The following LEMD3 variants were observed in gnomAD, a reference collection of about 807,000 sequenced individuals.
The protein encoded by LEMD3 is inner nuclear membrane protein Man1.
A neutral mutation model predicts 95.2 loss-of-function variants in LEMD3; 33 were observed. That is an observed-to-expected ratio of 0.35 (90% CI 0.26 to 0.46). The LOEUF (loss-of-function observed/expected upper bound fraction) is 0.46. LEMD3 is among the 20% of genes least tolerant of loss of function. The pLI, the probability that LEMD3 is intolerant of heterozygous loss-of-function variation, is 1.00. For missense variants in LEMD3, 1,210 were observed against 1,192.8 expected, an observed-to-expected ratio of 1.01 and a Z score of -0.21; for synonymous variants, 525 against 474.6, an observed-to-expected ratio of 1.11 and a Z score of -1.38.
rs1175544432 is a variant in LEMD3, at chr12:65,169,992, C to T, written c.396C>T (p.Gly132=). 1.5e-5 allele frequency: 22 copies of T among 1,477,736 alleles called. No homozygotes were observed. The highest frequency in any genetic ancestry group is 3.0e-5 in the African/African-American group (2 of 67,668). The allele number at this position is 1,477,736 out of a possible 1,614,324, so 91.5% of individuals were successfully genotyped here. Residue 132 remains glycine (G), a synonymous_variant, in exon 1 of 13, where the codon GGC becomes GGT. Transcript: ENST00000308330. The part of the protein sequence containing the change: ...PGGASAAPAA[G]SKVLLGFSSD... ...GCGCCTCCGCCGCCCCCGCGGCTGG[C>T]AGCAAAGTGCTGCTGGGCTTCAGCT...
At position 65,171,147 on chromosome 12, in the gene LEMD3, A is replaced by G. The variant is rs978248116; in HGVS notation, c.1522+29A>G. On this transcript the variant is annotated intron_variant, in intron 1 of 12. Coordinates refer to ENST00000308330, the MANE Select transcript of LEMD3 (RefSeq NM_014319.5). ...AGTATTAAATCCTGTGGGTAAGGTA[A>G]CAAAGAGAATGTTGTTAGTGGTCCG... The G allele has an allele frequency of 3.1e-6, 5 of 1,604,480 alleles. No individual in the cohort carries two copies. The Admixed American group carries it at 5.0e-5, about 16-fold the overall frequency.
intron 1 of LEMD3, among the ~76,000 whole-genome samples, chr12:65,181,975 A>G (rs1267805582): frequency 6.6e-6 from 1 of 151,848 alleles, no homozygotes; most frequent in Non-Finnish European, 1.5e-5. Context: ...GCAAACATTT[A>G]TTGAGAATTT....
At chr12:65,187,925 A>G (rs1869117322) in intron 1 of LEMD3, among the ~76,000 whole-genome samples, 1 of 152,134 alleles carries the variant, frequency 6.6e-6, no homozygotes, top group Non-Finnish European at 1.5e-5. Flanking sequence ...ACAAATAGAG[A>G]TGGTATGTAG....
intron 1 of LEMD3, among the ~76,000 whole-genome samples, chr12:65,183,764 G>T (rs903206057): frequency 2.0e-5 from 3 of 152,146 alleles, no homozygotes; most frequent in African/African-American, 7.2e-5. Context: ...AGTGACTTGT[G>T]ATTTAATTTT....
intron 7 of LEMD3, 27 bp downstream of exon 7, chr12:65,240,057 A>G (rs1592462997): frequency 6.4e-7 from 1 of 1,556,360 alleles, no homozygotes; most frequent in Non-Finnish European, 8.9e-7. Flanking sequence ...AATCTCAACT[A>G]TTTCTAGAAG....
chr12:65,198,781 ATTG>A (rs1486261513), intron 1 of LEMD3, among the ~76,000 whole-genome samples: 1 of 152,112 alleles, frequency 6.6e-6, no homozygotes. Flanking sequence ...GTTATACTGT[ATTG>A]TTTTTAAAAT....
chr12:65,220,430 T>C (rs1011320272), intron 4 of LEMD3, among the ~76,000 whole-genome samples: 3 of 152,242 alleles, frequency 2.0e-5, no homozygotes, highest in Admixed American at 2.0e-4. Context: ...TATTTTGTTA[T>C]TGAATTGTGG....
In LEMD3 at chr12:65,210,497, C is replaced by A. The variant is rs566624736; in HGVS notation, c.1523-429C>A. Among the ~76,000 whole-genome samples the A allele has an allele frequency of 2.0e-5, 3 of 152,218 alleles. No individual in the cohort carries two copies. The South Asian group carries it at 6.2e-4, about 32-fold the overall frequency. On this transcript the variant is annotated intron_variant, in intron 1 of 12. Transcript: ENST00000308330. ...TATTGAGTACATATTAAGTGCTTGA[C>A]ACTGTGTCAAACATTTTATCTTGTT... is the stretch of plus-strand genomic sequence containing the variant.
intron 4 of LEMD3, among the ~76,000 whole-genome samples, chr12:65,232,123 T>C (rs1454943123): frequency 6.6e-6 from 1 of 152,158 alleles, no homozygotes; most frequent in African/African-American, 2.4e-5. Flanking sequence ...GTTGCTATAT[T>C]AATTCCCAAT....
At chr12:65,228,724 G>T (rs1870534222) in intron 4 of LEMD3, among the ~76,000 whole-genome samples, 1 of 152,048 alleles carries the variant, frequency 6.6e-6, no homozygotes, top group Non-Finnish European at 1.5e-5. Context: ...TGACATAATT[G>T]TACATATTTA....
intron 1 of LEMD3, among the ~76,000 whole-genome samples, chr12:65,197,159 A>C (rs1236481475): frequency 1.3e-5 from 2 of 152,122 alleles, no homozygotes; most frequent in Admixed American, 6.6e-5. Flanking sequence ...TGATTTGCTT[A>C]ACGTAGGAGC....
At chr12:65,205,035 A>G (rs1291945734) in intron 1 of LEMD3, among the ~76,000 whole-genome samples, 1 of 152,196 alleles carries the variant, frequency 6.6e-6, no homozygotes, top group African/African-American at 2.4e-5. Flanking sequence ...GGCCTCAGGA[A>G]ATTTGCAATC....
At chr12:65,242,311 A>G (rs1870961553) in intron 9 of LEMD3, among the ~76,000 whole-genome samples, 1 of 151,914 alleles carries the variant, frequency 6.6e-6, no homozygotes, top group Admixed American at 6.6e-5. Flanking sequence ...TCTCAAGGCC[A>G]TCTTTTTTTT....
intron 1 of LEMD3, among the ~76,000 whole-genome samples, chr12:65,180,229 C>T (rs1052665563): frequency 4.6e-5 from 7 of 151,844 alleles, no homozygotes; most frequent in Admixed American, 3.3e-4. Context: ...TACAGGTGTG[C>T]GCCACCGTGC....
chr12:65,225,786 T>C (rs1870430262), intron 4 of LEMD3, among the ~76,000 whole-genome samples: 1 of 152,192 alleles, frequency 6.6e-6, no homozygotes, highest in African/African-American at 2.4e-5. Context: ...TTCACCATGT[T>C]AGCCAGGATG....
In LEMD3 at chr12:65,201,955, C is replaced by T. The variant is rs114908956; in HGVS notation, c.1523-8971C>T. ...TATTCTTTATTAAGTTGAGGAAATT[C>T]CCTTGTATTCCTAGTTTATTTTACT... is the stretch of plus-strand genomic sequence containing the variant. On this transcript the variant is annotated intron_variant, in intron 1 of 12. Transcript: ENST00000308330. 5.2e-3 allele frequency among the ~76,000 whole-genome samples: 776 copies of T among 150,430 alleles called. 10 individuals are homozygous for T. The highest frequency in any genetic ancestry group is 0.018 in the African/African-American group (751 of 41,106).
intron 1 of LEMD3, among the ~76,000 whole-genome samples, chr12:65,196,178 T>G (rs1869422905): frequency 1.4e-5 from 2 of 144,738 alleles, no homozygotes; most frequent in South Asian, 4.3e-4. Flanking sequence ...AGATAAAGAA[T>G]AGGCAGAGGA....
chr12:65,213,267 C>A (rs935743456), intron 2 of LEMD3, among the ~76,000 whole-genome samples: 1 of 152,024 alleles, frequency 6.6e-6, no homozygotes. Flanking sequence ...TTTTTATCAC[C>A]CAGGCTGGAG....
At chr12:65,228,945 A>G (rs968447757) in intron 4 of LEMD3, among the ~76,000 whole-genome samples, 2 of 152,188 alleles carry the variant, frequency 1.3e-5, no homozygotes, top group African/African-American at 4.8e-5. Context: ...CTACCTAGTT[A>G]TAATTTCATT....
Sources: gnomAD v4.1 joint callset for allele counts (sites outside exome capture counted in the v4.1 genomes callset) on GRCh38, gnomAD v4.1.1 for gene constraint, MANE v1.5 for transcripts, NCBI Gene and HGNC (gene_info 2026-07-23, HGNC 2026-07-21) for gene names.